Variants in C8orf34 observed in about 807,000 individuals in gnomAD.
The protein encoded by C8orf34 is chromosome 8 open reading frame 34, also known as uncharacterized protein C8orf34.
Under a neutral mutation model 68.3 loss-of-function variants are expected in C8orf34, and 65 were observed. That is an observed-to-expected ratio of 0.95 (90% CI 0.78 to 1.17). The LOEUF is 1.17. Ranked by LOEUF, C8orf34 falls within the 50% of genes most tolerant of loss-of-function variation. C8orf34 has a pLI of 0.00. For missense variants in C8orf34, 664 were observed against 655.4 expected, an observed-to-expected ratio of 1.01 and a Z score of -0.14; for synonymous variants, 244 against 241.2, an observed-to-expected ratio of 1.01 and a Z score of -0.11.
chr8:68,462,753 G>C (rs993930386), intron 3 of C8orf34, among the ~76,000 whole-genome samples: 5 of 152,006 alleles, frequency 3.3e-5, no homozygotes, highest in African/African-American at 9.7e-5. Flanking sequence ...CAAGAACAAA[G>C]ACACAACATA....
intron 4 of C8orf34, among the ~76,000 whole-genome samples, chr8:68,487,284 T>C (rs571801801): frequency 1.4e-4 from 21 of 152,230 alleles, no homozygotes; most frequent in Non-Finnish European, 2.8e-4. Flanking sequence ...AGGGAATTCC[T>C]GTGAAGGAGA....
intron 7 of C8orf34, among the ~76,000 whole-genome samples, chr8:68,615,921 G>A (rs1818196219): frequency 6.6e-6 from 1 of 150,744 alleles, no homozygotes. Context: ...ATCTGGTCCT[G>A]GACTCTTTTT....
intron 10 of C8orf34, among the ~76,000 whole-genome samples, chr8:68,725,260 TACTG>T (rs529153058): frequency 1.3e-5 from 2 of 152,238 alleles, no homozygotes; most frequent in Non-Finnish European, 2.9e-5. Context: ...GTAAATGTCT[TACTG>T]ACTTTTTTCT....
At chr8:68,640,535 A>G in intron 8 of C8orf34, 24 bp downstream of exon 8, 1 of 1,585,488 alleles carries the variant, frequency 6.3e-7, no homozygotes, top group South Asian at 1.1e-5. Flanking sequence ...TAGGTATAGT[A>G]TATATAAACA....
chr8:68,801,017 A>T (rs1173915708), intron 12 of C8orf34, among the ~76,000 whole-genome samples: 1 of 152,144 alleles, frequency 6.6e-6, no homozygotes, highest in East Asian at 1.9e-4. Context: ...TCTAATTGAG[A>T]TTTCTTTCTT....
intron 7 of C8orf34, among the ~76,000 whole-genome samples, chr8:68,564,119 T>C (rs977220466): frequency 6.6e-6 from 1 of 152,236 alleles, no homozygotes; most frequent in African/African-American, 2.4e-5. Flanking sequence ...GAGATATCTT[T>C]ATGCCCTAAA....
At chr8:68,768,446 A>T (rs1823244296) in intron 10 of C8orf34, among the ~76,000 whole-genome samples, 1 of 152,076 alleles carries the variant, frequency 6.6e-6, no homozygotes, top group Admixed American at 6.6e-5. Context: ...GTGGACAGTT[A>T]GTTCTCATCA....
intron 1 of C8orf34, among the ~76,000 whole-genome samples, chr8:68,354,412 G>C (rs1341648812): frequency 2.0e-5 from 3 of 152,040 alleles, no homozygotes; most frequent in Non-Finnish European, 4.4e-5. Context: ...TGTGATAATA[G>C]CTTACCACAG....
At chr8:68,585,076 C>G (rs1817168741) in intron 7 of C8orf34, among the ~76,000 whole-genome samples, 1 of 152,140 alleles carries the variant, frequency 6.6e-6, no homozygotes, top group East Asian at 1.9e-4. Flanking sequence ...AACTAAGGCC[C>G]TTTTTAGTTA....
chr8:68,476,091 A>G (rs1332488553), intron 4 of C8orf34, among the ~76,000 whole-genome samples: 1 of 152,264 alleles, frequency 6.6e-6, no homozygotes, highest in South Asian at 2.1e-4. Context: ...AAGGAGTGAT[A>G]GAATAACTAT....
rs142630335 is a variant in C8orf34 at position 68,788,294 on chromosome 8, A to C, written c.1549+758A>C. ...TAACCATGAGAAATACTGATATGTT[A>C]CATAGGTAGCATTATAATCATGAAT... is the stretch of plus-strand genomic sequence containing the variant. On this transcript the variant is annotated intron_variant, in intron 12 of 13. Coordinates refer to ENST00000518698, the MANE Select transcript of C8orf34 (RefSeq NM_052958.4). Among the ~76,000 whole-genome samples the C allele has an allele frequency of 3.7e-4, 56 of 152,354 alleles. 1 individual carries two copies. The East Asian group carries it at 9.8e-3, about 27-fold the overall frequency.
At chr8:68,456,616 CA>C (rs1286168256) in intron 3 of C8orf34, among the ~76,000 whole-genome samples, 1 of 152,168 alleles carries the variant, frequency 6.6e-6, no homozygotes, top group African/African-American at 2.4e-5. Context: ...AGCACTTATA[CA>C]ATTCAAACTG....
chr8:68,387,302 G>T (rs1808302201), intron 1 of C8orf34, among the ~76,000 whole-genome samples: 1 of 152,146 alleles, frequency 6.6e-6, no homozygotes, highest in Non-Finnish European at 1.5e-5. Context: ...TTATGGTGGT[G>T]TGTGGGGTGA....
At chr8:68,474,115 C>T (rs1463671655) in intron 4 of C8orf34, among the ~76,000 whole-genome samples, 1 of 152,132 alleles carries the variant, frequency 6.6e-6, no homozygotes, top group Admixed American at 6.5e-5. Context: ...CATTTATCAC[C>T]CCTACGCAGC....
chr8:68,799,913 CAAG>C (rs950115721), intron 12 of C8orf34, among the ~76,000 whole-genome samples: 2 of 152,010 alleles, frequency 1.3e-5, no homozygotes, highest in African/African-American at 4.8e-5. Flanking sequence ...CAGGGATGGA[CAAG>C]AAGGTCATAT....
At chr8:68,646,255 G>A (rs1037172114) in intron 8 of C8orf34, among the ~76,000 whole-genome samples, 2 of 151,690 alleles carry the variant, frequency 1.3e-5, no homozygotes, top group Admixed American at 6.6e-5. Context: ...CTTTTATCAA[G>A]CAATAAGAGC....
intron 1 of C8orf34, among the ~76,000 whole-genome samples, chr8:68,354,711 A>G (rs143151136): frequency 3.9e-5 from 6 of 152,218 alleles, no homozygotes; most frequent in African/African-American, 1.4e-4. Flanking sequence ...CCTACCATCA[A>G]GGGTGTGTGA....
intron 8 of C8orf34, among the ~76,000 whole-genome samples, chr8:68,679,324 TAATAA>T (rs535678250): frequency 3.8e-3 from 572 of 151,358 alleles, no homozygotes; most frequent in Non-Finnish European, 5.1e-3. Flanking sequence ...CAAAAGCTAT[TAATAA>T]AATAAAATAA....
chr8:68,613,228 CT>C (rs1192535836), intron 7 of C8orf34, among the ~76,000 whole-genome samples: 1 of 152,044 alleles, frequency 6.6e-6, no homozygotes, highest in East Asian at 1.9e-4. Context: ...AATTCTTGCC[CT>C]GTGGTCTGAA....
Sources: allele counts gnomAD v4.1 joint callset (sites outside exome capture counted in the v4.1 genomes callset), GRCh38; gene constraint gnomAD v4.1.1; transcripts MANE v1.5; gene names NCBI Gene and HGNC (gene_info 2026-07-23, HGNC 2026-07-21).